The following CDH18 variants were observed in gnomAD, a reference collection of about 807,000 sequenced individuals.
CDH18 encodes cadherin-18.
In CDH18, 31 loss-of-function variants were observed where a neutral mutation model predicts 67.9. The observed-to-expected ratio is 0.46, with a 90% CI of 0.34 to 0.62. The LOEUF is 0.62. Among genes scored for constraint, CDH18 ranks in the 20% least tolerant of loss-of-function variants. The pLI, the probability that CDH18 is intolerant of heterozygous loss-of-function variation, is 0.01. For synonymous variants in CDH18, 362 were observed against 347.2 expected, an observed-to-expected ratio of 1.04 and a Z score of -0.48; for missense variants, 890 against 975.5, an observed-to-expected ratio of 0.91 and a Z score of 1.17.
intron 2 of CDH18, among the ~76,000 whole-genome samples, chr5:20,007,201 A>G (rs1408371754): frequency 6.6e-6 from 1 of 152,048 alleles, no homozygotes; most frequent in Non-Finnish European, 1.5e-5. Context: ...AGATTAGATA[A>G]CAAATGGTGA....
rs929816941 is a variant in CDH18, at chr5:20,531,738, G to T, written c.-580+43724C>A. Reference sequence around the variant, plus strand: ...GAACAAGCAACAATGGGGCCTGTTGGGGGAGGGCAGGCTGCGGGCAGAGCA... The same window carrying T: ...GAACAAGCAACAATGGGGCCTGTTGTGGGAGGGCAGGCTGCGGGCAGAGCA... On this transcript the variant is annotated intron_variant, in intron 1 of 14. Transcript: ENST00000507958. Among the ~76,000 whole-genome samples, 3 of 152,018 alleles carry T rather than the reference G, an allele frequency of 2.0e-5. No homozygotes were observed. In the East Asian group the frequency reaches 5.8e-4, roughly 29 times the overall value.
chr5:19,891,991 G>A (rs1016175031), intron 2 of CDH18, among the ~76,000 whole-genome samples: 1 of 152,124 alleles, frequency 6.6e-6, no homozygotes, highest in African/African-American at 2.4e-5. Context: ...TGTGTTTCAA[G>A]CTCACTTTTC....
intron 5 of CDH18, among the ~76,000 whole-genome samples, chr5:19,693,706 G>A (rs1762191792): frequency 6.6e-6 from 1 of 152,022 alleles, no homozygotes; most frequent in Admixed American, 6.6e-5. Flanking sequence ...AGACCAGCCT[G>A]GCCAACATGG....
chr5:20,139,279 C>T (rs944396275), intron 2 of CDH18, among the ~76,000 whole-genome samples: 1 of 152,160 alleles, frequency 6.6e-6, no homozygotes, highest in Non-Finnish European at 1.5e-5. Flanking sequence ...AAAGTTGAAA[C>T]TGGATCCGTT....
chr5:19,857,737 C>T (rs1474705167), intron 2 of CDH18, among the ~76,000 whole-genome samples: 1 of 152,060 alleles, frequency 6.6e-6, no homozygotes, highest in African/African-American at 2.4e-5. Flanking sequence ...AGGCAATTTC[C>T]AAATTCCTCT....
intron 6 of CDH18, among the ~76,000 whole-genome samples, chr5:19,603,444 GGT>G (rs1371071618): frequency 6.6e-6 from 1 of 151,900 alleles, no homozygotes; most frequent in Non-Finnish European, 1.5e-5. Context: ...TAGTACCATT[GGT>G]TGCACAACAA....
intron 1 of CDH18, among the ~76,000 whole-genome samples, chr5:20,293,181 G>A (rs1747233889): frequency 6.6e-6 from 1 of 152,142 alleles, no homozygotes; most frequent in Non-Finnish European, 1.5e-5. Context: ...TCCGAGAGTG[G>A]TAGTGGGCAC....
At chr5:20,524,308 AAC>A (rs1755915767) in intron 1 of CDH18, among the ~76,000 whole-genome samples, 1 of 152,206 alleles carries the variant, frequency 6.6e-6, no homozygotes, top group African/African-American at 2.4e-5. Flanking sequence ...TATATCTTTA[AAC>A]ACAGGACAAT....
chr5:20,321,676 T>C (rs1738036370), intron 1 of CDH18, among the ~76,000 whole-genome samples: 1 of 152,160 alleles, frequency 6.6e-6, no homozygotes, highest in African/African-American at 2.4e-5. Flanking sequence ...TTTCTTTCTT[T>C]CCTTTTTCTT....
At chr5:20,363,101 T>C (rs1251851829) in intron 1 of CDH18, among the ~76,000 whole-genome samples, 1 of 152,178 alleles carries the variant, frequency 6.6e-6, no homozygotes, top group Non-Finnish European at 1.5e-5. Flanking sequence ...ATTGTGTCCA[T>C]TGATATCTAT....
chr5:20,472,211 C>A (rs902953516), intron 1 of CDH18, among the ~76,000 whole-genome samples: 2 of 152,150 alleles, frequency 1.3e-5, no homozygotes, highest in African/African-American at 4.8e-5. Flanking sequence ...ATTTCATGGA[C>A]ATGAGGTTCA....
chr5:20,068,610 T>C (rs1743182680), intron 2 of CDH18, among the ~76,000 whole-genome samples: 1 of 152,104 alleles, frequency 6.6e-6, no homozygotes, highest in Admixed American at 6.6e-5. Flanking sequence ...TTTATGTAAG[T>C]TTTCAATATG....
intron 1 of CDH18, among the ~76,000 whole-genome samples, chr5:20,473,092 T>A (rs956474403): frequency 2.0e-5 from 3 of 152,134 alleles, no homozygotes; most frequent in African/African-American, 7.2e-5. Context: ...ACTAAGTAGT[T>A]TTCTTAAGGT....
At chr5:20,416,163 A>C (rs1747293244) in intron 1 of CDH18, among the ~76,000 whole-genome samples, 1 of 152,166 alleles carries the variant, frequency 6.6e-6, no homozygotes, top group Non-Finnish European at 1.5e-5. Flanking sequence ...AAAATGATTA[A>C]ATTCTGCATA....
chr5:19,492,653 TTAAA>T (rs1464257641), intron 11 of CDH18, among the ~76,000 whole-genome samples: 1 of 152,080 alleles, frequency 6.6e-6, no homozygotes, highest in Non-Finnish European at 1.5e-5. Context: ...TTTTTAAATT[TTAAA>T]TAAAGTTATG....
chr5:20,395,258 C>A (rs1021215767), intron 1 of CDH18, among the ~76,000 whole-genome samples: 2 of 152,168 alleles, frequency 1.3e-5, no homozygotes, highest in Admixed American at 6.5e-5. Flanking sequence ...TACTACTCAT[C>A]CCTAAAACAG....
At chr5:20,348,563 G>T (rs1740896203) in intron 1 of CDH18, among the ~76,000 whole-genome samples, 1 of 152,146 alleles carries the variant, frequency 6.6e-6, no homozygotes, top group Non-Finnish European at 1.5e-5. Context: ...ATGTGTTTAA[G>T]ACAGAAACGT....
chr5:19,610,190 T>A (rs1411946492), intron 6 of CDH18, among the ~76,000 whole-genome samples: 1 of 152,050 alleles, frequency 6.6e-6, no homozygotes, highest in Non-Finnish European at 1.5e-5. Flanking sequence ...TGTCAGTCAT[T>A]CTGCCAGAAT....
chr5:20,322,155 A>G lies in CDH18; in HGVS notation c.-579-66650T>C, dbSNP rs542792743. 2.0e-5 allele frequency among the ~76,000 whole-genome samples: 3 copies of G among 152,190 alleles called. No individual in the cohort carries two copies. The East Asian group carries it at 5.8e-4, about 29-fold the overall frequency. ...TTTCATCTTCCTACTGTAAACCTAA[A>G]TATTCAGGTGTTAAGAAGAATCTGA... is the stretch of plus-strand genomic sequence containing the variant. On this transcript the variant is annotated intron_variant, in intron 1 of 14. Transcript: ENST00000507958.
Sources: allele counts gnomAD v4.1 joint callset (sites outside exome capture counted in the v4.1 genomes callset), GRCh38; gene constraint gnomAD v4.1.1; transcripts MANE v1.5; gene names NCBI Gene and HGNC (gene_info 2026-07-23, HGNC 2026-07-21).